PTP4A2: variants seen among roughly 807,000 people sequenced by gnomAD.
The protein encoded by PTP4A2 is protein tyrosine phosphatase 4A2, also known as protein tyrosine phosphatase type IVA 2.
In PTP4A2, 2 loss-of-function variants were observed where a neutral mutation model predicts 22.9. The observed-to-expected ratio is 0.09, with a 90% confidence interval of 0.04 to 0.27. The LOEUF is 0.27. Among genes scored for constraint, PTP4A2 ranks in the 10% least tolerant of loss-of-function variants. The pLI is 1.00. For missense variants in PTP4A2, 103 were observed against 205.1 expected (o/e 0.50, Z 3.04); for synonymous variants, 68 against 69.1 (o/e 0.98, Z 0.08).
intron 3 of PTP4A2, chr1:31,914,491 C>T (rs1013438913): frequency 2.6e-5 from 8 of 302,110 alleles, no homozygotes; most frequent in Non-Finnish European, 4.7e-5. Flanking sequence ...CTTTTTGCAT[C>T]AACTGCCTTC....
Position 31,915,878 on chromosome 1 carries a change from A to C in PTP4A2, c.189+17T>G. ...AGATACAACTTGTTTTGAAAAATTT[A>C]AATACTACACACTCACTAGAACGTG... is the stretch of plus-strand genomic sequence containing the variant. On this transcript the variant is annotated intron_variant, in intron 3 of 5. Coordinates refer to ENST00000647444, the MANE Select transcript of PTP4A2 (RefSeq NM_080391.4). 6.6e-7 allele frequency: 1 copy of C among 1,511,192 alleles called. No individual in the cohort carries two copies. The highest frequency in any genetic ancestry group is 9.0e-7 in the Non-Finnish European group (1 of 1,112,902). 93.6% of individuals were successfully genotyped at this position (1,511,192 alleles called of 1,614,324 possible). A position where few individuals can be genotyped will look rare whatever the true frequency, so the allele number is the denominator to read the frequency against.
chr1:31,935,716 T>C (rs1652906296), intron 1 of PTP4A2: 1 of 152,178 alleles, frequency 6.6e-6, no homozygotes, highest in Non-Finnish European at 1.5e-5. Context: ...AGATACCACC[T>C]TTCTTGTAGT....
At chr1:31,913,170 T>C (rs1280934500) in intron 3 of PTP4A2, 1 of 299,358 alleles carries the variant, frequency 3.3e-6, no homozygotes, top group Non-Finnish European at 6.7e-6. Flanking sequence ...TGTGTCTGGT[T>C]TGCAAGAGCA....
chr1:31,916,107 A>G (rs1449323013), intron 2 of PTP4A2, 120 bp from the exon 3 acceptor site: 1 of 595,082 alleles, frequency 1.7e-6, no homozygotes, highest in Admixed American at 3.4e-5. Context: ...GCACTTTGGG[A>G]GGCCTGAGGC....
At chr1:31,914,363 C>A in intron 3 of PTP4A2, 1 of 416,626 alleles carries the variant, frequency 2.4e-6, no homozygotes, top group South Asian at 1.7e-5. Flanking sequence ...CCACACAGGG[C>A]CCTAAAACAC....
intron 1 of PTP4A2, among the ~76,000 whole-genome samples, chr1:31,926,843 A>G (rs1409569251): frequency 6.6e-6 from 1 of 152,190 alleles, no homozygotes; most frequent in Non-Finnish European, 1.5e-5. Context: ...GGGGGGTTCC[A>G]ATTTTAAATA....
intron 5 of PTP4A2, 147 bp from the exon 6 acceptor site, chr1:31,909,107 T>C (rs768021397): frequency 1.4e-4 from 94 of 653,440 alleles, no homozygotes; most frequent in Non-Finnish European, 2.1e-4. Context: ...CTTAAAGAGC[T>C]AAGTTGCAAC....
rs971129383 is a variant in PTP4A2 at position 31,911,589 on chromosome 1, A to T, written c.320+107T>A. 4 of 1,035,342 alleles carry T rather than the reference A, an allele frequency of 3.9e-6. No homozygotes were observed. The African/African-American group carries it at 6.7e-5, about 17-fold the overall frequency. The allele number at this position is 1,035,342 out of a possible 1,614,324, so 64.1% of individuals were successfully genotyped here. On this transcript the variant is annotated intron_variant, in intron 4 of 5. Transcript: ENST00000647444. ...ATTTCCTTTCCTTTCAGGTAATTTA[A>T]TGTTATTTAGTATAATATATGCAAA...
intron 2 of PTP4A2, among the ~76,000 whole-genome samples, 187 bp from the exon 3 acceptor site, chr1:31,916,174 G>C (rs1357092416): frequency 6.6e-6 from 1 of 151,072 alleles, no homozygotes; most frequent in Non-Finnish European, 1.5e-5. Context: ...GTGAAACCCC[G>C]TCTCTATTAA....
chr1:31,928,246 ATAAT>A (rs1652563002), intron 1 of PTP4A2, among the ~76,000 whole-genome samples: 1 of 147,694 alleles, frequency 6.8e-6, no homozygotes, highest in Non-Finnish European at 1.5e-5. Context: ...ATAGCATAAT[ATAAT>A]TATATACAAT....
At chr1:31,926,385 T>A (rs949343882) in intron 1 of PTP4A2, among the ~76,000 whole-genome samples, 1 of 152,034 alleles carries the variant, frequency 6.6e-6, no homozygotes, top group Non-Finnish European at 1.5e-5. Flanking sequence ...CGAGTATGCA[T>A]ATATTTACTG....
At chr1:31,915,269 G>A (rs138233034) in intron 3 of PTP4A2, among the ~76,000 whole-genome samples, 3 of 152,244 alleles carry the variant, frequency 2.0e-5, no homozygotes, top group Non-Finnish European at 4.4e-5. Flanking sequence ...CTGCCAATTT[G>A]TTAATCCAAA....
At chr1:31,937,605 C>T (rs1569665798) in intron 1 of PTP4A2, 1 of 152,164 alleles carries the variant, frequency 6.6e-6, no homozygotes, top group African/African-American at 2.4e-5. Flanking sequence ...CTCACTCATT[C>T]TACCACCACC....
intron 1 of PTP4A2, among the ~76,000 whole-genome samples, chr1:31,924,345 G>A (rs1005148093): frequency 1.3e-5 from 2 of 152,186 alleles, no homozygotes; most frequent in African/African-American, 2.4e-5. Context: ...ACAGATACAT[G>A]ATAAAAACAA....
At chr1:31,922,705 C>T (rs1470537321) in intron 1 of PTP4A2, among the ~76,000 whole-genome samples, 6 of 151,506 alleles carry the variant, frequency 4.0e-5, no homozygotes, top group African/African-American at 1.5e-4. Flanking sequence ...CATGGCTCAC[C>T]GCAGCCTCAA....
chr1:31,925,922 G>A (rs900100818), intron 1 of PTP4A2, among the ~76,000 whole-genome samples: 1 of 151,636 alleles, frequency 6.6e-6, no homozygotes, highest in African/African-American at 2.4e-5. Flanking sequence ...ACGGTGAGTG[G>A]ATCACGAAGT....
At chr1:31,930,256 TGAACCCCGGG>T (rs1375421977) in intron 1 of PTP4A2, among the ~76,000 whole-genome samples, 1 of 151,982 alleles carries the variant, frequency 6.6e-6, no homozygotes, top group East Asian at 1.9e-4. Flanking sequence ...GAGAATGGCG[TGAACCCCGGG>T]GGGGCGGAAC....
At chr1:31,922,918 G>A (rs533825278) in intron 1 of PTP4A2, among the ~76,000 whole-genome samples, 190 of 151,286 alleles carry the variant, frequency 1.3e-3, no homozygotes, top group Non-Finnish European at 2.0e-3. Context: ...CACCGTGCCC[G>A]GCCCAAATAC....
rs368328812 is a variant in PTP4A2 at position 31,911,649 on chromosome 1, C to CA, written c.320+46dup. On this transcript the variant is annotated intron_variant, in intron 4 of 5. Coordinates refer to ENST00000647444, the MANE Select transcript of PTP4A2 (RefSeq NM_080391.4). ...AAGTGAAACTTTCAACTAACTTAGG[C>CA]ATGGTAATGAATTCAGACAAAAAGG... 3.8e-5 allele frequency: 57 copies of CA among 1,490,940 alleles called. No homozygotes were observed. In the East Asian group the frequency reaches 1.3e-3, roughly 33 times the overall value. 92.4% of individuals were successfully genotyped at this position (1,490,940 alleles called of 1,614,324 possible).
Sources: allele counts gnomAD v4.1 joint callset (sites outside exome capture counted in the v4.1 genomes callset), GRCh38; gene constraint gnomAD v4.1.1; transcripts MANE v1.5; gene names NCBI Gene and HGNC (gene_info 2026-07-23, HGNC 2026-07-21).